The following AJAP1 variants were observed in gnomAD, a reference collection of about 807,000 sequenced individuals.
AJAP1 encodes adherens junction-associated protein 1.
Under a neutral mutation model 35.0 loss-of-function variants are expected in AJAP1, and 5 were observed. That is an observed-to-expected ratio of 0.14 (90% CI 0.07 to 0.30). The LOEUF (loss-of-function observed/expected upper bound fraction) is 0.30. AJAP1 is among the 10% of genes least tolerant of loss of function. AJAP1 has a pLI of 1.00. For synonymous variants in AJAP1, 284 were observed against 249.3 expected (o/e 1.14, Z -1.31); for missense variants, 586 against 571.0 (o/e 1.03, Z -0.27).
At chr1:4,792,520 G>GAAAAAAAAAAAAAAAAAAAAGA (rs5772183) in exon 6 of AJAP1, 2 of 129,808 alleles carry the variant, frequency 1.5e-5, no homozygotes, top group Non-Finnish European at 1.6e-5. Flanking sequence ...AACATAATAT[G>GAAAAAAAAAAAAAAAAAAAAGA]AAAAAAAAAA....
rs1640500772 is a variant in AJAP1, at chr1:4,720,841, A to G, written c.829+8142A>G. 6.6e-6 allele frequency among the ~76,000 whole-genome samples: 1 copy of G among 152,090 alleles called. No individual in the cohort carries two copies. Among genetic ancestry groups the G allele is most frequent in the Non-Finnish European group, 1.5e-5 (1 of 68,022 alleles). ...TGCTCGGTGCTATTCTGTCCATATC[A>G]TGATCTTTCCCTGCCCTGGAAGGCC... On this transcript the variant is annotated intron_variant, in intron 2 of 5. Coordinates refer to ENST00000378191, the MANE Select transcript of AJAP1 (RefSeq NM_018836.4). This position sits in a 1 kb window ranked among gnomAD's most constrained non-coding sequence, Gnocchi z 4.4.
chr1:4,689,813 A>G (rs1159742116), intron 1 of AJAP1, among the ~76,000 whole-genome samples: 2 of 152,200 alleles, frequency 1.3e-5, no homozygotes, highest in Non-Finnish European at 2.9e-5. Context: ...CAGCTGGGAA[A>G]CAGCCCCGCC....
At chr1:4,742,333 T>TA (rs1216878188) in intron 2 of AJAP1, among the ~76,000 whole-genome samples, 1 of 152,198 alleles carries the variant, frequency 6.6e-6, no homozygotes, top group Non-Finnish European at 1.5e-5. Context: ...CCCAAATTCA[T>TA]AACCTGATCT....
At position 4,717,919 on chromosome 1, in the gene AJAP1, A is replaced by G. The variant is rs146830946; in HGVS notation, c.829+5220A>G. Reference sequence around the variant, plus strand: ...GTTGCTGGGTGTTTGCTACCAGGGAAGTGAATCTGTCCTTAATTTAAAGAT... The same window carrying G: ...GTTGCTGGGTGTTTGCTACCAGGGAGGTGAATCTGTCCTTAATTTAAAGAT... On this transcript the variant is annotated intron_variant, in intron 2 of 5. Coordinates refer to ENST00000378191, the MANE Select transcript of AJAP1 (RefSeq NM_018836.4). Among the ~76,000 whole-genome samples, 717 of 152,340 alleles carry G rather than the reference A, an allele frequency of 4.7e-3. 2 individuals carry two copies. Among genetic ancestry groups the G allele is most frequent in the Non-Finnish European group, 7.4e-3 (506 of 68,028 alleles).
chr1:4,683,312 C>T (rs1039361643), intron 1 of AJAP1, among the ~76,000 whole-genome samples: 13 of 152,334 alleles, frequency 8.5e-5, no homozygotes, highest in African/African-American at 3.1e-4. Flanking sequence ...TCACTTGACC[C>T]GCAGAGCTCA....
In AJAP1 at chr1:4,655,785, G is replaced by A. The variant is rs1328674050; in HGVS notation, c.29+331G>A. ...GTGTCCTGGCCGGCTGCCCCGGCGCGCCTCCTCCCCGGGGCCCGGGGCGAG... is the reference window on the plus strand; with the variant it reads ...GTGTCCTGGCCGGCTGCCCCGGCGCACCTCCTCCCCGGGGCCCGGGGCGAG... On this transcript the variant is annotated intron_variant, in intron 1 of 5. Transcript: ENST00000378191. This position sits in a 1 kb window ranked among gnomAD's most constrained non-coding sequence, Gnocchi z 6.9. 6.7e-6 allele frequency among the ~76,000 whole-genome samples: 1 copy of A among 149,046 alleles called. No individual in the cohort carries two copies. Among genetic ancestry groups the A allele is most frequent in the African/African-American group, 2.4e-5 (1 of 41,034 alleles).
At chr1:4,739,935 G>A (rs1046816220) in intron 2 of AJAP1, among the ~76,000 whole-genome samples, 1 of 152,168 alleles carries the variant, frequency 6.6e-6, no homozygotes, top group Non-Finnish European at 1.5e-5. Context: ...GAGGGCTTCC[G>A]GGATGGCTTC....
At chr1:4,673,872 C>G (rs977983803) in intron 1 of AJAP1, among the ~76,000 whole-genome samples, 1 of 151,516 alleles carries the variant, frequency 6.6e-6, no homozygotes, top group Non-Finnish European at 1.5e-5. Context: ...GAGCCAGGAG[C>G]GAGAAGTCAG....
At chr1:4,679,112 A>G (rs138911829) in intron 1 of AJAP1, among the ~76,000 whole-genome samples, 6 of 152,332 alleles carry the variant, frequency 3.9e-5, no homozygotes, top group African/African-American at 1.2e-4. Flanking sequence ...GCTCAGTGCC[A>G]TGCATTTGCC....
At position 4,692,650 on chromosome 1, in the gene AJAP1, C is replaced by T. The variant is rs17344987; in HGVS notation, c.30-19250C>T. 0.019 allele frequency among the ~76,000 whole-genome samples: 2,936 copies of T among 152,328 alleles called. 85 individuals are homozygous for T. The highest frequency in any genetic ancestry group is 0.11 in the South Asian group (555 of 4,832). ...TTCCTTCTCTCCCTGCCTCCTGTCC[C>T]GGGTCAACTCCTACTTGGCATTGGA... On this transcript the variant is annotated intron_variant, in intron 1 of 5. Transcript: ENST00000378191. The surrounding 1 kb of genome is among the most constrained non-coding windows in gnomAD (Gnocchi z 4.4).
Position 4,655,564 on chromosome 1 carries a change from CA to C in AJAP1, c.29+112del, listed in dbSNP as rs1388409039. The C allele has an allele frequency of 1.9e-5, 26 of 1,371,048 alleles. No individual in the cohort carries two copies. Among genetic ancestry groups the C allele is most frequent in the Non-Finnish European group, 2.6e-5 (26 of 1,011,500 alleles). 84.9% of individuals were successfully genotyped at this position (1,371,048 alleles called of 1,614,324 possible). ...TCAAGGGACCCCTCTTCGCTTCCCG[CA>C]AGCGGGCAACGGGGTGCACCGGTAG... On this transcript the variant is annotated intron_variant, in intron 1 of 5. Transcript: ENST00000378191. The surrounding 1 kb of genome is among the most constrained non-coding windows in gnomAD (Gnocchi z 6.9).
chr1:4,749,217 G>A (rs916938903), intron 2 of AJAP1, among the ~76,000 whole-genome samples: 2 of 152,188 alleles, frequency 1.3e-5, no homozygotes, highest in African/African-American at 4.8e-5. Context: ...GGGACCTGCA[G>A]ATGCTCTCAG....
At chr1:4,679,211 T>C (rs1639423480) in intron 1 of AJAP1, among the ~76,000 whole-genome samples, 1 of 152,152 alleles carries the variant, frequency 6.6e-6, no homozygotes, top group African/African-American at 2.4e-5. Flanking sequence ...TAATTTCTCT[T>C]GACAGTACTC....
intron 1 of AJAP1, among the ~76,000 whole-genome samples, chr1:4,675,681 GGCCCAGAGATGCCTTCCAGGA>G (rs923961284): frequency 6.6e-6 from 1 of 152,176 alleles, no homozygotes; most frequent in Non-Finnish European, 1.5e-5. Flanking sequence ...ACATTCCAGG[GGCCCAGAGATGCCTTCCAGGA>G]GCCCAGGGCA....
In AJAP1 at chr1:4,688,162, G is replaced by A. The variant is rs565279546; in HGVS notation, c.30-23738G>A. On this transcript the variant is annotated intron_variant, in intron 1 of 5. Transcript: ENST00000378191. ...GGAGCGGTGGCCCCAGTGAGACGGG[G>A]GTCCCTCGGAGCGCCCCGTAGTCTT... Among the ~76,000 whole-genome samples the A allele has an allele frequency of 4.9e-4, 74 of 152,300 alleles. 1 individual carries two copies. The highest frequency in any genetic ancestry group is 2.1e-3 in the South Asian group (10 of 4,826).
At chr1:4,737,226 G>C (rs1640945951) in intron 2 of AJAP1, among the ~76,000 whole-genome samples, 1 of 152,080 alleles carries the variant, frequency 6.6e-6, no homozygotes, top group Non-Finnish European at 1.5e-5. Context: ...CTGGGAGGAG[G>C]CTGGGGCAGA....
At chr1:4,684,429 G>C (rs978336404) in intron 1 of AJAP1, among the ~76,000 whole-genome samples, 2 of 152,126 alleles carry the variant, frequency 1.3e-5, no homozygotes, top group African/African-American at 4.8e-5. Context: ...ACCATCATGG[G>C]CTACAGGAAG....
At chr1:4,752,257 A>G (rs1641336994) in intron 2 of AJAP1, among the ~76,000 whole-genome samples, 2 of 151,866 alleles carry the variant, frequency 1.3e-5, no homozygotes, top group African/African-American at 4.8e-5. Context: ...TTTCACCGAG[A>G]TGAAGGAACA....
At position 4,732,047 on chromosome 1, in the gene AJAP1, T is replaced by C. The variant is rs530613975; in HGVS notation, c.829+19348T>C. Among the ~76,000 whole-genome samples the C allele has an allele frequency of 5.5e-4, 84 of 152,342 alleles. 2 individuals are homozygous for C. In the South Asian group the frequency reaches 0.013, roughly 23 times the overall value. ...GCCCCACATGCAGGAGCCCCCTTTC[T>C]GAGTGCCAGCAGGATGTGCTCTTGG... On this transcript the variant is annotated intron_variant, in intron 2 of 5. Coordinates refer to ENST00000378191, the MANE Select transcript of AJAP1 (RefSeq NM_018836.4).
Sources: allele counts gnomAD v4.1 joint callset (sites outside exome capture counted in the v4.1 genomes callset), GRCh38; gene constraint gnomAD v4.1.1; non-coding constraint Gnocchi (gnomAD v3.1); transcripts MANE v1.5; gene names NCBI Gene and HGNC (gene_info 2026-07-23, HGNC 2026-07-21).